Variants in QTMAN observed in about 807,000 individuals in gnomAD.
QTMAN encodes the protein queuosine-tRNA mannosyltransferase.
the QTMAN span, among the ~76,000 whole-genome samples, chr2:144,190,572 CAT>C: frequency 6.6e-6 from 1 of 152,070 alleles, no homozygotes; most frequent in African/African-American, 2.4e-5. Flanking sequence ...CCTTTTATAA[CAT>C]ATCAAACAAC....
chr2:144,200,848 T>C, the QTMAN span, among the ~76,000 whole-genome samples: 1 of 152,206 alleles, frequency 6.6e-6, no homozygotes, highest in Non-Finnish European at 1.5e-5. Context: ...GTGACTTGTT[T>C]CTGTGTTTCT....
the QTMAN span, among the ~76,000 whole-genome samples, chr2:144,164,161 T>A: frequency 2.0e-5 from 3 of 152,202 alleles, no homozygotes; most frequent in African/African-American, 7.2e-5. Flanking sequence ...TGACCTCAGG[T>A]GATCCAACCA....
chr2:144,079,115 A>G, the QTMAN span, among the ~76,000 whole-genome samples: 5 of 152,062 alleles, frequency 3.3e-5, no homozygotes, highest in African/African-American at 9.7e-5. Context: ...AACCTCATTG[A>G]CCCCCTTATC....
the QTMAN span, chr2:143,952,047 G>T: frequency 6.2e-7 from 1 of 1,604,518 alleles, no homozygotes; most frequent in Non-Finnish European, 8.5e-7. Context: ...TTTGAAAGCT[G>T]TTCAGGTGTA....
the QTMAN span, among the ~76,000 whole-genome samples, chr2:143,995,000 C>T: frequency 1.3e-5 from 2 of 152,092 alleles, no homozygotes; most frequent in South Asian, 2.1e-4. Context: ...CTATATCACT[C>T]CTGCTAAAAT....
At chr2:144,010,924 G>A in the QTMAN span, among the ~76,000 whole-genome samples, 1 of 152,088 alleles carries the variant, frequency 6.6e-6, no homozygotes, top group Non-Finnish European at 1.5e-5. Context: ...CTCCCTGACG[G>A]TGTAATTTAT....
At chr2:144,027,313 C>T in the QTMAN span, among the ~76,000 whole-genome samples, 1 of 152,196 alleles carries the variant, frequency 6.6e-6, no homozygotes. Flanking sequence ...GTTGTCACAT[C>T]GGGTTTTACT....
the QTMAN span, among the ~76,000 whole-genome samples, chr2:144,298,739 A>T: frequency 6.6e-6 from 1 of 152,206 alleles, no homozygotes; most frequent in East Asian, 1.9e-4. Flanking sequence ...CATATAAGAC[A>T]GTTCTTGATT....
chr2:144,276,543 T>C, the QTMAN span, among the ~76,000 whole-genome samples: 1 of 152,172 alleles, frequency 6.6e-6, no homozygotes, highest in Non-Finnish European at 1.5e-5. Flanking sequence ...TAATCTAACC[T>C]AATCCTTTTT....
At chr2:143,953,795 A>C in the QTMAN span, among the ~76,000 whole-genome samples, 6 of 151,914 alleles carry the variant, frequency 3.9e-5, no homozygotes, top group African/African-American at 9.7e-5. Flanking sequence ...CCAAAGGGGA[A>C]ATTTATTTTG....
the QTMAN span, among the ~76,000 whole-genome samples, chr2:144,258,763 A>G: frequency 2.6e-5 from 4 of 152,304 alleles, no homozygotes; most frequent in African/African-American, 7.2e-5. Context: ...GAATCAAACT[A>G]AAGAGTAAAA....
the QTMAN span, chr2:143,938,573 T>C: frequency 2.6e-5 from 4 of 152,216 alleles, no homozygotes; most frequent in African/African-American, 9.6e-5. Flanking sequence ...AAGCATCAGG[T>C]CGAAGGTGAC....
At chr2:144,305,460 T>A in the QTMAN span, among the ~76,000 whole-genome samples, 1 of 152,224 alleles carries the variant, frequency 6.6e-6, no homozygotes, top group Admixed American at 6.5e-5. Context: ...GTGACCTATA[T>A]GTCTATCATT....
At chr2:144,166,831 C>T in the QTMAN span, among the ~76,000 whole-genome samples, 1 of 152,108 alleles carries the variant, frequency 6.6e-6, no homozygotes, top group East Asian at 1.9e-4. Flanking sequence ...CATATCTGAA[C>T]CAAATCCCCT....
chr2:144,287,096 C>T, the QTMAN span, among the ~76,000 whole-genome samples: 2 of 152,070 alleles, frequency 1.3e-5, no homozygotes, highest in African/African-American at 4.8e-5. Flanking sequence ...TGGTAGTGGC[C>T]AATGTCATAT....
chr2:144,061,740 C>A, the QTMAN span, among the ~76,000 whole-genome samples: 2 of 152,104 alleles, frequency 1.3e-5, no homozygotes, highest in Non-Finnish European at 2.9e-5. Flanking sequence ...TTTTTGTGCC[C>A]AAATGTTACC....
the QTMAN span, among the ~76,000 whole-genome samples, chr2:144,053,925 C>T: frequency 2.6e-5 from 4 of 152,180 alleles, no homozygotes; most frequent in South Asian, 2.1e-4. Context: ...TGGTGGCTCA[C>T]GCCTGTAATC....
At chr2:143,973,324 T>A in the QTMAN span, among the ~76,000 whole-genome samples, 2 of 151,848 alleles carry the variant, frequency 1.3e-5, no homozygotes, top group Admixed American at 6.6e-5. Flanking sequence ...AATTTAAGAG[T>A]GGGAAAAGAG....
At chr2:144,162,998 G>A in the QTMAN span, among the ~76,000 whole-genome samples, 3 of 152,244 alleles carry the variant, frequency 2.0e-5, no homozygotes, top group African/African-American at 7.2e-5. Context: ...ATTATAATAT[G>A]TGTACTTGGT....
Sources: gnomAD v4.1 joint callset for allele counts (sites outside exome capture counted in the v4.1 genomes callset) on GRCh38, gnomAD v4.1.1 for gene constraint, MANE v1.5 for transcripts, NCBI Gene and HGNC (gene_info 2026-07-23, HGNC 2026-07-21) for gene names.